Variants in KLHL34 observed in about 807,000 individuals in gnomAD.
KLHL34 encodes the protein kelch like family member 34.
Under a neutral mutation model 23.8 loss-of-function variants are expected in KLHL34, and 24 were observed. The observed-to-expected ratio is 1.01, with a 90% CI of 0.73 to 1.42. The LOEUF (loss-of-function observed/expected upper bound fraction) is 1.42, where lower values mean the gene tolerates loss of function less well. Among genes scored for constraint, KLHL34 ranks in the 40% most tolerant of loss-of-function variants. The pLI is 0.00. For missense variants in KLHL34, 652 were observed against 595.1 expected (o/e 1.10, Z -0.99); for synonymous variants, 303 against 287.9 (o/e 1.05, Z -0.53).
chrX:21,656,163 C>T lies in KLHL34; in HGVS notation c.1626G>A (p.Glu542=), dbSNP rs2092731955. 6.8e-6 allele frequency: 8 copies of T among 1,174,354 alleles called. No homozygotes were observed. The highest frequency in any genetic ancestry group is 8.0e-6 in the Non-Finnish European group (7 of 876,564). ...LGRYEPFSEI[E]RYDPGADQWT... ...ACTGGTCGGCGCCGGGGTCGTAGCG[C>T]TCGATCTCAGAGAAGGGCTCGTATC... The change falls in exon 1 of 1, where the codon GAG becomes GAA. Residue 542 remains glutamate, a synonymous_variant. Coordinates refer to ENST00000379499, the MANE Select transcript of KLHL34 (RefSeq NM_153270.3).
chrX:21,657,336 C>T lies in KLHL34; in HGVS notation c.453G>A (p.Glu151=). Residue 151 remains glutamate (E), a synonymous_variant, in exon 1 of 1, where the codon GAG becomes GAA. Coordinates refer to ENST00000379499, the MANE Select transcript of KLHL34 (RefSeq NM_153270.3). ...CCTGCAAGTGGCTCACGATGCAGCG[C>T]TCGGCCGCGTCCAGCGTGTGAGCCA... ...FGLAHTLDAA[E]RCIVSHLQEL... 8.6e-7 allele frequency: 1 copy of T among 1,159,624 alleles called. No homozygotes were observed. Among genetic ancestry groups the T allele is most frequent in the Non-Finnish European group, 1.1e-6 (1 of 870,570 alleles).
At position 21,655,958 on chromosome X, in the gene KLHL34, A is replaced by AG. The variant is rs773410775; in HGVS notation, c.1830dup (p.Trp611LeufsTer53). The AG allele has an allele frequency of 8.3e-7, 1 of 1,209,521 alleles. No individual in the cohort carries two copies. The highest frequency in any genetic ancestry group is 3.0e-5 in the East Asian group (1 of 33,706). On this transcript the variant is annotated frameshift_variant, in exon 1 of 1. Transcript: ENST00000379499. LOFTEE classifies it high-confidence loss of function. ...GCGCACCGCAGGCCGCTCCAGGCCC[A>AG]GGGCAACGCGCAGCCGATGTCCTCC...
In KLHL34 at chrX:21,657,302, C is replaced by T. The variant is rs2092734788; in HGVS notation, c.487G>A (p.Ala163Thr). The part of the protein sequence containing the change: ...CIVSHLQELL[A>T]RGAGPAGLLE... ...AGTCCCGCGGGGCCCGCGCCCCGCGCCAGCAGCTCCTGCAAGTGGCTCACG... is the reference window on the plus strand; with the variant it reads ...AGTCCCGCGGGGCCCGCGCCCCGCGTCAGCAGCTCCTGCAAGTGGCTCACG... Residue 163 changes from alanine (A) to threonine (T), a missense_variant, in exon 1 of 1, where the codon GCG becomes ACG. Ala to Thr is a moderately conservative substitution (Grantham distance 58, BLOSUM62 0). Transcript: ENST00000379499. 6 of 1,155,153 alleles carry T rather than the reference C, an allele frequency of 5.2e-6. No individual in the cohort carries two copies. The African/African-American group carries it at 1.1e-4, about 21-fold the overall frequency.
At position 21,656,409 on chromosome X, in the gene KLHL34, C is replaced by T. The variant is rs745809754; in HGVS notation, c.1380G>A (p.Pro460=). The change falls in exon 1 of 1, where the codon CCG becomes CCA. Residue 460 remains proline (P), a synonymous_variant. Coordinates refer to ENST00000379499, the MANE Select transcript of KLHL34 (RefSeq NM_153270.3). ...RDRWTAAGAL[P]RALHGHAGAV... ...CCCCCGCGTGACCGTGCAGAGCCCG[C>T]GGTAGTGCCCCAGCCGCCGTCCAGC... is the stretch of plus-strand genomic sequence containing the variant. The T allele has an allele frequency of 1.8e-5, 22 of 1,191,805 alleles. No homozygotes were observed. The highest frequency in any genetic ancestry group is 2.5e-5 in the Non-Finnish European group (22 of 887,361).
Position 21,655,899 on chromosome X carries a change from C to T in KLHL34, c.1890G>A (p.Glu630=), listed in dbSNP as rs1349388745. Residue 630 remains glutamate (E), a synonymous_variant, in exon 1 of 1, where the codon GAG becomes GAA. Coordinates refer to ENST00000379499, the MANE Select transcript of KLHL34 (RefSeq NM_153270.3). ...VLQLAEGGDD[E]REGEVGEALD... ...GCGCCTCTCCAACCTCTCCCTCCCT[C>T]TCGTCGTCCCCACCCTCGGCCAGCT... 2.5e-6 allele frequency: 3 copies of T among 1,204,078 alleles called. No homozygotes were observed. The African/African-American group carries it at 5.2e-5, about 21-fold the overall frequency.
rs1297121604 is a variant in KLHL34, at chrX:21,657,684, G to A, written c.105C>T (p.Thr35=). The A allele has an allele frequency of 8.3e-7, 1 of 1,205,634 alleles. No individual in the cohort carries two copies. Among genetic ancestry groups the A allele is most frequent in the Non-Finnish European group, 1.1e-6 (1 of 894,675 alleles). The change falls in exon 1 of 1, where the codon ACC becomes ACT. Residue 35 remains threonine (T), a synonymous_variant. Transcript: ENST00000379499. ...EGFLCDVTLE[T]EGSEFPAHRS... is the part of the protein sequence containing the mutation. Reference sequence around the variant, plus strand: ...TGTGCGCCGGGAATTCGCTGCCCTCGGTCTCCAGTGTCACGTCGCACAGGA... The same window carrying A: ...TGTGCGCCGGGAATTCGCTGCCCTCAGTCTCCAGTGTCACGTCGCACAGGA...
chrX:21,657,859 A>G lies in KLHL34; in HGVS notation c.-71T>C. 1 of 1,137,336 alleles carries G rather than the reference A, an allele frequency of 8.8e-7. No homozygotes were observed. 93.7% of individuals were successfully genotyped at this position (1,137,336 alleles called of 1,213,427 possible). On this transcript the variant is annotated 5_prime_UTR_variant, in exon 1 of 1. Transcript: ENST00000379499. Reference sequence around the variant, plus strand: ...GGCAGGGCCGGAGGCATCCCGGGGCACAACACTCCCGGGACCCCCGCGTAA... The same window carrying G: ...GGCAGGGCCGGAGGCATCCCGGGGCGCAACACTCCCGGGACCCCCGCGTAA...
chrX:21,656,156 C>A lies in KLHL34; in HGVS notation c.1633G>T (p.Asp545Tyr). 1 of 1,174,803 alleles carries A rather than the reference C, an allele frequency of 8.5e-7. No homozygotes were observed. Among genetic ancestry groups the A allele is most frequent in the Non-Finnish European group, 1.1e-6 (1 of 876,226 alleles). The change falls in exon 1 of 1, where the codon GAC becomes TAC. Residue 545 changes from aspartate to tyrosine, a missense_variant. Coordinates refer to ENST00000379499, the MANE Select transcript of KLHL34 (RefSeq NM_153270.3). ...CGAGTCCACTGGTCGGCGCCGGGGTCGTAGCGCTCGATCTCAGAGAAGGGC... is the reference window on the plus strand; with the variant it reads ...CGAGTCCACTGGTCGGCGCCGGGGTAGTAGCGCTCGATCTCAGAGAAGGGC... ...YEPFSEIERYDPGADQWTRLR... is the reference protein window; with the variant it reads ...YEPFSEIERYYPGADQWTRLR...
Position 21,657,760 on chromosome X carries a change from G to A in KLHL34, c.29C>T (p.Ala10Val). ...GCCGGTGAGCAGCGCGCCGCCATGA[G>A]CTTTGCAGTAAGACAGGAAGTAACT... MSYFLSYCK[A>V]HGGALLTGYQ... Residue 10 changes from alanine to valine, a missense_variant, in exon 1 of 1, where the codon GCT (alanine) becomes GTT (valine). By Grantham distance (64) the Ala-to-Val change is moderately conservative. Transcript: ENST00000379499. 2 of 1,198,924 alleles carry A rather than the reference G, an allele frequency of 1.7e-6. No homozygotes were observed. Among genetic ancestry groups the A allele is most frequent in the Non-Finnish European group, 1.1e-6 (1 of 889,433 alleles).
rs754904203 is a variant in KLHL34 at position 21,656,739 on chromosome X, C to T, written c.1050G>A (p.Thr350=). The T allele has an allele frequency of 4.2e-6, 5 of 1,199,737 alleles. No homozygotes were observed. The highest frequency in any genetic ancestry group is 5.6e-6 in the Non-Finnish European group (5 of 889,968). The change falls in exon 1 of 1, where the codon ACG becomes ACA. Residue 350 remains threonine (T), a synonymous_variant. Coordinates refer to ENST00000379499, the MANE Select transcript of KLHL34 (RefSeq NM_153270.3). ...DVYNHRWRSL[T]QLPTPLLGHS... ...GCCCCAGCAGTGGTGTGGGTAGCTG[C>T]GTAAGGCTGCGCCAGCGGTGATTGT...
At position 21,656,932 on chromosome X, in the gene KLHL34, C is replaced by G. The variant is rs1463361431; in HGVS notation, c.857G>C (p.Gly286Ala). ...RSPQTRILLV[G>A]GRRAREVVIE... ...CACCACCTCCCGTGCCCTGCGCCCCCCCACCAACAAGATGCGGGTCTGGGG... is the reference window on the plus strand; with the variant it reads ...CACCACCTCCCGTGCCCTGCGCCCCGCCACCAACAAGATGCGGGTCTGGGG... Residue 286 changes from glycine to alanine, a missense_variant, in exon 1 of 1, where the codon GGG (glycine) becomes GCG (alanine). Physicochemically the swap from Gly to Ala is moderately conservative, Grantham distance 60. Coordinates refer to ENST00000379499, the MANE Select transcript of KLHL34 (RefSeq NM_153270.3). 8.6e-7 allele frequency: 1 copy of G among 1,159,953 alleles called. No homozygotes were observed. The highest frequency in any genetic ancestry group is 1.2e-6 in the Non-Finnish European group (1 of 869,212).
At position 21,656,494 on chromosome X, in the gene KLHL34, C is replaced by G; in HGVS notation, c.1295G>C (p.Gly432Ala). Reference protein sequence around the residue: ...AVGERLLAVGGLGAGGEVLAS... With the variant: ...AVGERLLAVGALGAGGEVLAS... ...CAGCACCTCACCGCCCGCACCCAGG[C>G]CCCCGACGGCCAGGAGCCTCTCGCC... The change falls in exon 1 of 1, where the codon GGC (glycine) becomes GCC (alanine). Residue 432 changes from glycine (G) to alanine (A), a missense_variant. By Grantham distance (60) the Gly-to-Ala change is moderately conservative. Coordinates refer to ENST00000379499, the MANE Select transcript of KLHL34 (RefSeq NM_153270.3). 8.4e-7 allele frequency: 1 copy of G among 1,196,235 alleles called. No homozygotes were observed. Among genetic ancestry groups the G allele is most frequent in the Non-Finnish European group, 1.1e-6 (1 of 888,983 alleles).
Position 21,657,659 on chromosome X carries a change from T to A in KLHL34, c.130A>T (p.Arg44Trp). The A allele has an allele frequency of 4.1e-6, 5 of 1,207,020 alleles. No individual in the cohort carries two copies. The highest frequency in any genetic ancestry group is 5.6e-6 in the Non-Finnish European group (5 of 894,876). Reference sequence around the variant, plus strand: ...TCACTGGAGCACGCCAGGAGCGACCTGTGCGCCGGGAATTCGCTGCCCTCG... The same window carrying A: ...TCACTGGAGCACGCCAGGAGCGACCAGTGCGCCGGGAATTCGCTGCCCTCG... The part of the protein sequence containing the change: ...ETEGSEFPAH[R>W]SLLACSSDYF... The change falls in exon 1 of 1, where the codon AGG becomes TGG. Residue 44 changes from arginine to tryptophan, a missense_variant. Transcript: ENST00000379499.
At position 21,657,737 on chromosome X, in the gene KLHL34, C is replaced by T. The variant is rs2092735602; in HGVS notation, c.52G>A (p.Gly18Ser). ...CCCTCGGCGCGCAGGGCCTGGTAGC[C>T]GGTGAGCAGCGCGCCGCCATGAGCT... ...CKAHGGALLTGYQALRAEGFL... is the reference protein window; with the variant it reads ...CKAHGGALLTSYQALRAEGFL... Residue 18 changes from glycine to serine, a missense_variant, in exon 1 of 1, where the codon GGC becomes AGC. Coordinates refer to ENST00000379499, the MANE Select transcript of KLHL34 (RefSeq NM_153270.3). 4.2e-6 allele frequency: 5 copies of T among 1,199,690 alleles called. No homozygotes were observed. The highest frequency in any genetic ancestry group is 4.4e-5 in the Admixed American group (2 of 45,620).
chrX:21,656,797 T>C lies in KLHL34; in HGVS notation c.992A>G (p.Glu331Gly). 8.4e-7 allele frequency: 1 copy of C among 1,193,060 alleles called. No individual in the cohort carries two copies. Among genetic ancestry groups the C allele is most frequent in the South Asian group, 1.9e-5 (1 of 53,159 alleles). ...GAAGGCCACCACGTTCTGGGTGAGC[T>C]CCCACTCCTCCTCCTCCTCCTCTTC... ...LEEEEEEEEWELTQNVVAFDV... is the reference protein window; with the variant it reads ...LEEEEEEEEWGLTQNVVAFDV... Residue 331 changes from glutamate to glycine, a missense_variant, in exon 1 of 1, where the codon GAG (glutamate) becomes GGG (glycine). Physicochemically the swap from Glu to Gly is moderately conservative, Grantham distance 98. Coordinates refer to ENST00000379499, the MANE Select transcript of KLHL34 (RefSeq NM_153270.3).
chrX:21,656,276 C>T lies in KLHL34; in HGVS notation c.1513G>A (p.Val505Ile). 1 of 1,203,720 alleles carries T rather than the reference C, an allele frequency of 8.3e-7. No homozygotes were observed. The highest frequency in any genetic ancestry group is 1.1e-6 in the Non-Finnish European group (1 of 891,659). The change falls in exon 1 of 1, where the codon GTT (valine) becomes ATT (isoleucine). Residue 505 changes from valine to isoleucine, a missense_variant. Transcript: ENST00000379499. ...DLYVLGPEEQ[V>I]WSKKAPMGTA... Reference sequence around the variant, plus strand: ...CCCATGGGTGCCTTCTTGCTCCAAACCTGCTCCTCAGGGCCCAGGACGTAT... The same window carrying T: ...CCCATGGGTGCCTTCTTGCTCCAAATCTGCTCCTCAGGGCCCAGGACGTAT...
At position 21,656,082 on chromosome X, in the gene KLHL34, G is replaced by A; in HGVS notation, c.1707C>T (p.Val569=). The A allele has an allele frequency of 8.4e-7, 1 of 1,187,792 alleles. No homozygotes were observed. Among genetic ancestry groups the A allele is most frequent in the African/African-American group, 1.7e-5 (1 of 57,489 alleles). ...CGCCCAGCAGCAACGCTGTCTCCTC[G>A]ACCACGGCCAGCCCATAGCAGAAGC... ...YDRFCYGLAV[V]EETALLLGGL... Residue 569 remains valine (V), a synonymous_variant, in exon 1 of 1, where the codon GTC becomes GTT. Transcript: ENST00000379499.
At position 21,658,013 on chromosome X, in the gene KLHL34, G is replaced by T. The variant is rs2092736000; in HGVS notation, c.-225C>A. On this transcript the variant is annotated 5_prime_UTR_variant, in exon 1 of 1. Coordinates refer to ENST00000379499, the MANE Select transcript of KLHL34 (RefSeq NM_153270.3). ...TCCAGTCTGGAAACGGTTTTCGGAG[G>T]CCCCTAGTAACGGAGGGCGCGGAAT... 6.8e-6 allele frequency: 3 copies of T among 441,387 alleles called. No individual in the cohort carries two copies. Among genetic ancestry groups the T allele is most frequent in the Non-Finnish European group, 7.3e-6 (2 of 275,704 alleles). The allele number at this position is 441,387 out of a possible 1,213,427, so 36.4% of individuals were successfully genotyped here.
rs1450782343 is a variant in KLHL34 at position 21,656,230 on chromosome X, T to TGGTGCCCGAAACGTGC, written c.1543_1558dup (p.His520ArgfsTer26). ...CACAGCGCCGCGCAGCACTGCCATG[T>TGGTGCCCGAAACGTGC]GGTGCCCGAAACGTGCGGTGCCCAT... On this transcript the variant is annotated frameshift_variant, in exon 1 of 1. Coordinates refer to ENST00000379499, the MANE Select transcript of KLHL34 (RefSeq NM_153270.3). LOFTEE classifies it high-confidence loss of function. 4 of 1,195,672 alleles carry TGGTGCCCGAAACGTGC rather than the reference T, an allele frequency of 3.3e-6. No individual in the cohort carries two copies. Among genetic ancestry groups the TGGTGCCCGAAACGTGC allele is most frequent in the East Asian group, 3.0e-5 (1 of 33,289 alleles).
Sources: gnomAD v4.1 joint callset for allele counts on GRCh38, gnomAD v4.1.1 for gene constraint, MANE v1.5 for transcripts, NCBI Gene and HGNC (gene_info 2026-07-23, HGNC 2026-07-21) for gene names.